Variants in BBS9 observed in about 807,000 individuals in gnomAD.
BBS9 encodes the protein protein PTHB1.
Under a neutral mutation model 117.7 loss-of-function variants are expected in BBS9, and 89 were observed. That is an observed-to-expected ratio of 0.76 (90% confidence interval 0.64 to 0.90). BBS9 has a LOEUF of 0.90. BBS9 is among the 40% of genes least tolerant of loss of function. BBS9 has a pLI of 0.00. For missense variants in BBS9, 982 were observed against 1,042.2 expected, an observed-to-expected ratio of 0.94 and a Z score of 0.80; for synonymous variants, 379 against 370.9, an observed-to-expected ratio of 1.02 and a Z score of -0.25.
chr7:33,436,867 T>C (rs560987046), intron 19 of BBS9, among the ~76,000 whole-genome samples: 1 of 152,360 alleles, frequency 6.6e-6, no homozygotes, highest in South Asian at 2.1e-4. Flanking sequence ...TGAATTTACT[T>C]AAGCATGGAA....
At chr7:33,145,224 G>A (rs1035046545) in intron 1 of BBS9, among the ~76,000 whole-genome samples, 5 of 152,098 alleles carry the variant, frequency 3.3e-5, no homozygotes, top group South Asian at 2.1e-4. Context: ...ACTGCACTTC[G>A]TAGCTACCAT....
intron 21 of BBS9, among the ~76,000 whole-genome samples, chr7:33,546,110 T>G (rs1020232945): frequency 1.3e-5 from 2 of 151,856 alleles, no homozygotes; most frequent in Admixed American, 6.6e-5. Context: ...ATTTTTTGTA[T>G]TTTTAGTAGA....
intron 19 of BBS9, among the ~76,000 whole-genome samples, chr7:33,430,749 C>T (rs936079571): frequency 5.9e-5 from 9 of 152,178 alleles, no homozygotes; most frequent in Non-Finnish European, 1.3e-4. Context: ...ATTGAATAAA[C>T]ATTTAATAAA....
chr7:33,536,038 C>T (rs1702796714), intron 21 of BBS9, among the ~76,000 whole-genome samples: 2 of 151,772 alleles, frequency 1.3e-5, no homozygotes, highest in Admixed American at 6.6e-5. Context: ...AACCTCTGTG[C>T]AAAGTTTTTA....
At chr7:33,498,674 G>T (rs1219123565) in intron 19 of BBS9, among the ~76,000 whole-genome samples, 1 of 152,060 alleles carries the variant, frequency 6.6e-6, no homozygotes, top group Non-Finnish European at 1.5e-5. Context: ...CACCCATTTT[G>T]TAGCGTGTAT....
chr7:33,198,774 C>T (rs750227913), intron 5 of BBS9, among the ~76,000 whole-genome samples: 6 of 151,882 alleles, frequency 4.0e-5, no homozygotes, highest in Non-Finnish European at 7.4e-5. Flanking sequence ...AGCTTTTCCA[C>T]AATTTTGGAA....
At chr7:33,375,700 C>CT (rs1389049896) in intron 17 of BBS9, among the ~76,000 whole-genome samples, 1 of 150,802 alleles carries the variant, frequency 6.6e-6, no homozygotes, top group African/African-American at 2.4e-5. Flanking sequence ...AACTGATTCT[C>CT]TTGCCTCAGC....
At chr7:33,397,613 T>G (rs369968813) in intron 19 of BBS9, among the ~76,000 whole-genome samples, 1 of 152,186 alleles carries the variant, frequency 6.6e-6, no homozygotes, top group African/African-American at 2.4e-5. Flanking sequence ...GTGGTACATA[T>G]GCACCATGGA....
intron 21 of BBS9, among the ~76,000 whole-genome samples, chr7:33,590,951 A>G (rs1861816479): frequency 6.6e-6 from 1 of 152,060 alleles, no homozygotes; most frequent in African/African-American, 2.4e-5. Flanking sequence ...GGAGAATTTT[A>G]AGAGCAGGCA....
chr7:33,165,165 C>G (rs954920920), intron 4 of BBS9, among the ~76,000 whole-genome samples: 5 of 152,202 alleles, frequency 3.3e-5, no homozygotes, highest in African/African-American at 1.2e-4. Flanking sequence ...CCCCCACTCT[C>G]TTCTGGCTTG....
chr7:33,276,786 C>CT (rs1209723181), intron 9 of BBS9: 1 of 152,578 alleles, frequency 6.6e-6, no homozygotes, highest in Non-Finnish European at 1.5e-5. Flanking sequence ...AACAGCCTTC[C>CT]TGTGAGGAAG....
intron 9 of BBS9, among the ~76,000 whole-genome samples, chr7:33,333,176 A>G (rs1448298056): frequency 6.6e-6 from 1 of 152,022 alleles, no homozygotes; most frequent in Non-Finnish European, 1.5e-5. Flanking sequence ...TATATACTGT[A>G]CCCAATATAT....
intron 15 of BBS9, 60 bp from the exon 16 acceptor site, chr7:33,357,795 T>A (rs1819880775): frequency 2.7e-6 from 4 of 1,467,192 alleles, no homozygotes; most frequent in Middle Eastern, 1.7e-4. Flanking sequence ...AGTAGTACAA[T>A]TTTTTTTTGC....
At chr7:33,259,522 G>A (rs1293611491) in intron 6 of BBS9, among the ~76,000 whole-genome samples, 3 of 152,018 alleles carry the variant, frequency 2.0e-5, no homozygotes, top group Non-Finnish European at 2.9e-5. Context: ...TGAAGTAAGA[G>A]AATTGTTTGC....
chr7:33,366,522 C>CT (rs1221224116), intron 16 of BBS9, among the ~76,000 whole-genome samples: 61 of 116,560 alleles, frequency 5.2e-4, no homozygotes, highest in Admixed American at 1.2e-3. Flanking sequence ...TTTAATGTTT[C>CT]TTTTTTTTTT....
At chr7:33,563,643 C>T (rs1042613932) in intron 21 of BBS9, among the ~76,000 whole-genome samples, 14 of 152,128 alleles carry the variant, frequency 9.2e-5, no homozygotes, top group Non-Finnish European at 1.5e-4. Context: ...ATTTCAAAAG[C>T]AACTTTTTAT....
chr7:33,293,491 G>A (rs1485679738), intron 9 of BBS9, among the ~76,000 whole-genome samples: 1 of 152,140 alleles, frequency 6.6e-6, no homozygotes, highest in Non-Finnish European at 1.5e-5. Flanking sequence ...CATTCATACT[G>A]TATAATGCAG....
chr7:33,312,001 T>G (rs1809357975), intron 9 of BBS9, among the ~76,000 whole-genome samples: 2 of 152,170 alleles, frequency 1.3e-5, no homozygotes, highest in South Asian at 4.1e-4. Context: ...CCAAGAAACA[T>G]TTGCATTTTG....
intron 1 of BBS9, among the ~76,000 whole-genome samples, chr7:33,142,258 C>CATAGTG (rs1315877018): frequency 1.3e-5 from 2 of 151,828 alleles, no homozygotes; most frequent in Non-Finnish European, 2.9e-5. Context: ...GTAGATGTAC[C>CATAGTG]ATAGTGTGTT....
Sources: gnomAD v4.1 joint callset for allele counts (sites outside exome capture counted in the v4.1 genomes callset) on GRCh38, gnomAD v4.1.1 for gene constraint, MANE v1.5 for transcripts, NCBI Gene and HGNC (gene_info 2026-07-23, HGNC 2026-07-21) for gene names.